KALRN: variants seen among roughly 807,000 people sequenced by gnomAD.
KALRN encodes kalirin.
In KALRN, 70 loss-of-function variants were observed where a neutral mutation model predicts 353.7. The ratio of observed to expected loss-of-function variants is 0.20; its 90% CI spans 0.16 to 0.24. KALRN has a LOEUF of 0.24. Among genes scored for constraint, KALRN ranks in the 10% least tolerant of loss-of-function variants. The pLI is 1.00. For missense variants in KALRN, 2,791 were observed against 3,756.7 expected (o/e 0.74, Z 6.72); for synonymous variants, 1,391 against 1,434.8 (o/e 0.97, Z 0.69).
chr3:124,567,890 G>A (rs529333462), intron 34 of KALRN, among the ~76,000 whole-genome samples: 1 of 152,276 alleles, frequency 6.6e-6, no homozygotes, highest in South Asian at 2.1e-4. Flanking sequence ...TGGGAGGATT[G>A]CTTGAGCCTG....
intron 23 of KALRN, among the ~76,000 whole-genome samples, chr3:124,460,039 CCT>C (rs2059696646): frequency 6.6e-6 from 1 of 152,160 alleles, no homozygotes; most frequent in South Asian, 2.1e-4. Flanking sequence ...CTGTTCCAGG[CCT>C]CTCTCCTTGA....
intron 1 of KALRN, among the ~76,000 whole-genome samples, chr3:124,059,127 A>G (rs1324238798): frequency 6.6e-6 from 1 of 152,254 alleles, no homozygotes; most frequent in African/African-American, 2.4e-5. Flanking sequence ...TTAACATCTC[A>G]GTAAGTTTTC....
At chr3:124,086,465 T>A (rs2060830572) in intron 1 of KALRN, among the ~76,000 whole-genome samples, 1 of 152,132 alleles carries the variant, frequency 6.6e-6, no homozygotes, top group African/African-American at 2.4e-5. Context: ...ATCAGTCATT[T>A]ATATTTCCTT....
At chr3:124,428,365 T>C (rs2093121760) in intron 15 of KALRN, among the ~76,000 whole-genome samples, 1 of 152,190 alleles carries the variant, frequency 6.6e-6, no homozygotes, top group Non-Finnish European at 1.5e-5. Flanking sequence ...ACCAGTACCA[T>C]CATAATCATC....
intron 1 of KALRN, among the ~76,000 whole-genome samples, chr3:124,174,449 A>T (rs2072369453): frequency 6.6e-6 from 1 of 152,158 alleles, no homozygotes; most frequent in Non-Finnish European, 1.5e-5. Context: ...AAGGAAAAAA[A>T]GTATAGCATT....
At position 124,719,830 on chromosome 3, in the gene KALRN, G is replaced by T; in HGVS notation, c.*360G>T. ...GCTCACAAGAGTATAAAAGATCTCT[G>T]GCTTTGCTGAAATTTTAAGCAAGAA... On this transcript the variant is annotated 3_prime_UTR_variant, in exon 60 of 60. Coordinates refer to ENST00000682506, the MANE Select transcript of KALRN (RefSeq NM_001388419.1). This position sits in a 1 kb window ranked among gnomAD's most constrained non-coding sequence, Gnocchi z 5.3. 1 of 193,938 alleles carries T rather than the reference G, an allele frequency of 5.2e-6. No individual in the cohort carries two copies. Among genetic ancestry groups the T allele is most frequent in the South Asian group, 1.2e-4 (1 of 8,322 alleles). 12.0% of individuals were successfully genotyped at this position (193,938 alleles called of 1,614,324 possible). A position where few individuals can be genotyped will look rare whatever the true frequency, so the allele number is the denominator to read the frequency against.
intron 1 of KALRN, among the ~76,000 whole-genome samples, chr3:124,146,592 T>TCC (rs2149838730): frequency 6.7e-6 from 1 of 150,210 alleles, no homozygotes; most frequent in Admixed American, 6.6e-5. Context: ...AAAAAGGGAG[T>TCC]AAGGGCCAGG....
intron 3 of KALRN, among the ~76,000 whole-genome samples, chr3:124,256,730 A>C (rs995756697): frequency 6.6e-6 from 1 of 152,180 alleles, no homozygotes; most frequent in African/African-American, 2.4e-5. Context: ...CTCTGTGGGC[A>C]TCAGGTGTGG....
intron 36 of KALRN, among the ~76,000 whole-genome samples, chr3:124,634,874 C>T (rs746948857): frequency 3.3e-5 from 5 of 152,180 alleles, no homozygotes; most frequent in African/African-American, 4.8e-5. Flanking sequence ...CTCTCCTGTG[C>T]TCTCTAGTGC....
intron 3 of KALRN, among the ~76,000 whole-genome samples, chr3:124,238,717 C>T (rs906133741): frequency 2.0e-5 from 3 of 152,168 alleles, no homozygotes; most frequent in African/African-American, 4.8e-5. Context: ...CCTTCGACTC[C>T]AGGTGGAAAT....
rs760309796 is a variant in KALRN at position 124,667,211 on chromosome 3, G to A, written c.6703+28G>A. On this transcript the variant is annotated intron_variant, in intron 47 of 59. Transcript: ENST00000682506. ...GGGTGCTGGGCTTGGTTCCTTGCAG[G>A]GCTGTGTCAGGGGACTCCACGACCT... The A allele has an allele frequency of 1.8e-5, 29 of 1,600,126 alleles. 1 individual carries two copies. In the South Asian group the frequency reaches 2.9e-4, roughly 16 times the overall value.
At chr3:124,225,712 A>T (rs776478567) in intron 1 of KALRN, among the ~76,000 whole-genome samples, 9 of 152,172 alleles carry the variant, frequency 5.9e-5, no homozygotes, top group Non-Finnish European at 1.2e-4. Context: ...AGGAGATAGG[A>T]TGGGGAACCC....
chr3:124,628,248 T>C (rs1282947468), intron 34 of KALRN, among the ~76,000 whole-genome samples: 2 of 14,444 alleles, frequency 1.4e-4, no homozygotes, highest in Admixed American at 7.1e-4. Context: ...CTCCCTCCCT[T>C]CTTCTTTCCT....
chr3:124,434,582 G>A, intron 17 of KALRN, 57 bp downstream of exon 17: 1 of 1,530,244 alleles, frequency 6.5e-7, no homozygotes, highest in Non-Finnish European at 9.0e-7. Flanking sequence ...GCCATTTTCT[G>A]CCTTGCAGTG....
At chr3:124,577,260 A>C (rs1258440485) in intron 34 of KALRN, among the ~76,000 whole-genome samples, 1 of 152,144 alleles carries the variant, frequency 6.6e-6, no homozygotes, top group Non-Finnish European at 1.5e-5. Flanking sequence ...GGCCTCTCTT[A>C]AGGATAAGTG....
chr3:124,674,680 A>AC (rs564165727), intron 49 of KALRN, 66 bp downstream of exon 49: 2 of 1,434,968 alleles, frequency 1.4e-6, no homozygotes, highest in Non-Finnish European at 1.9e-6. Flanking sequence ...AAACAAACAA[A>AC]AGAACACAAA....
At chr3:124,103,026 C>A (rs2062002163) in intron 1 of KALRN, among the ~76,000 whole-genome samples, 1 of 152,148 alleles carries the variant, frequency 6.6e-6, no homozygotes, top group African/African-American at 2.4e-5. Flanking sequence ...AAGTCAAGAT[C>A]CAGGACCCCG....
chr3:124,699,918 C>T lies in KALRN; in HGVS notation c.7881C>T (p.Leu2627=), dbSNP rs749281733. 3.6e-5 allele frequency: 58 copies of T among 1,614,084 alleles called. No individual in the cohort carries two copies. The highest frequency in any genetic ancestry group is 4.7e-5 in the Non-Finnish European group (55 of 1,180,040). The change falls in exon 56 of 60, where the codon CTC becomes CTT. Residue 2627 remains leucine, a synonymous_variant. Coordinates refer to ENST00000682506, the MANE Select transcript of KALRN (RefSeq NM_001388419.1). ...TGGCTTCGACCTTGGACACTTACCT[C>T]GTCATCGAAGACCTTAGTCCCGGGT... The part of the protein sequence containing the change: ...QSVASTLDTY[L]VIEDLSPGCP...
chr3:124,479,490 C>T (rs2061747246), intron 27 of KALRN, among the ~76,000 whole-genome samples: 1 of 152,202 alleles, frequency 6.6e-6, no homozygotes, highest in Non-Finnish European at 1.5e-5. Flanking sequence ...TTTAGGCCCT[C>T]ATTCTATTGC....
Sources: gnomAD v4.1 joint callset for allele counts (sites outside exome capture counted in the v4.1 genomes callset) on GRCh38, gnomAD v4.1.1 for gene constraint, Gnocchi (gnomAD v3.1) non-coding constraint, MANE v1.5 for transcripts, NCBI Gene and HGNC (gene_info 2026-07-23, HGNC 2026-07-21) for gene names.